The following WDR33 variants were observed in gnomAD, a reference collection of about 807,000 sequenced individuals.
WDR33 encodes the protein WD repeat domain 33.
WDR33 carries 47 observed loss-of-function variants against 164.9 expected under a neutral mutation model. The observed-to-expected ratio is 0.29, with a 90% confidence interval of 0.23 to 0.36. WDR33 has a LOEUF of 0.36. Among genes scored for constraint, WDR33 ranks in the 10% least tolerant of loss-of-function variants. The probability of loss-of-function intolerance (pLI) is 1.00; values close to 1 mark genes in which losing one functional copy is unlikely to be tolerated. For synonymous variants in WDR33, 505 were observed against 589.0 expected, an observed-to-expected ratio of 0.86 and a Z score of 2.06; for missense variants, 1,137 against 1,754.1, an observed-to-expected ratio of 0.65 and a Z score of 6.28.
intron 1 of WDR33, among the ~76,000 whole-genome samples, chr2:127,788,775 G>A (rs1268911910): frequency 6.7e-6 from 1 of 148,174 alleles, no homozygotes; most frequent in Non-Finnish European, 1.5e-5. Context: ...CTCCCAGATG[G>A]GGCGGCTGGC....
intron 7 of WDR33, among the ~76,000 whole-genome samples, chr2:127,754,762 T>C (rs1435658178): frequency 2.0e-5 from 3 of 152,078 alleles, no homozygotes; most frequent in Non-Finnish European, 4.4e-5. Context: ...ATTTCCATAA[T>C]GAAATCCAAA....
chr2:127,720,071 A>C lies in WDR33; in HGVS notation c.1954T>G (p.Phe652Val), dbSNP rs1321445184. Residue 652 changes from phenylalanine (F) to valine (V), a missense_variant, in exon 16 of 22, where the codon TTC becomes GTC. Phe to Val is a conservative substitution (Grantham distance 50, BLOSUM62 -1). Coordinates refer to ENST00000322313, the MANE Select transcript of WDR33 (RefSeq NM_018383.5). This position sits in a 1 kb window ranked among gnomAD's most constrained non-coding sequence, Gnocchi z 5.9. ...LHQGGGGPQG[F>V]MGPQGPQGPP... ...CCCTGGGGCCCCTGTGGTCCCATGA[A>C]TCCTTGTGGCCCCCCACCTCCCTGA... 6.2e-7 allele frequency: 1 copy of C among 1,614,058 alleles called. No homozygotes were observed. The highest frequency in any genetic ancestry group is 1.7e-5 in the Admixed American group (1 of 60,022).
chr2:127,737,459 A>C (rs1686879661), intron 7 of WDR33: 1 of 985,558 alleles, frequency 1.0e-6, no homozygotes. Context: ...CAATATATAC[A>C]GTCAAGAAAA....
chr2:127,737,450 A>C (rs972354762), intron 7 of WDR33: 32 of 985,592 alleles, frequency 3.2e-5, no homozygotes, highest in Non-Finnish European at 3.9e-5. Flanking sequence ...ATTCAGTAAC[A>C]ATATATACAG....
intron 7 of WDR33, chr2:127,736,308 A>T (rs1686839984): frequency 1.0e-6 from 1 of 985,290 alleles, no homozygotes; most frequent in Non-Finnish European, 1.2e-6. Flanking sequence ...GGGGAAGGGC[A>T]TGTAAAGGGG....
At chr2:127,729,495 C>CTT (rs774362916) in intron 7 of WDR33, among the ~76,000 whole-genome samples, 17 of 144,528 alleles carry the variant, frequency 1.2e-4, no homozygotes, top group African/African-American at 3.5e-4. Flanking sequence ...AGAGACTATT[C>CTT]TTTTTTTTTT....
At chr2:127,795,174 T>C (rs538127449) in intron 1 of WDR33, among the ~76,000 whole-genome samples, 9 of 149,984 alleles carry the variant, frequency 6.0e-5, no homozygotes, top group African/African-American at 2.0e-4. Context: ...GATCTCGGCT[T>C]ACTGCAACCT....
chr2:127,746,816 T>C (rs185132131), intron 7 of WDR33, among the ~76,000 whole-genome samples: 15 of 152,242 alleles, frequency 9.9e-5, no homozygotes, highest in African/African-American at 3.4e-4. Flanking sequence ...GTAATTACAC[T>C]ATATTCTTCT....
intron 1 of WDR33, among the ~76,000 whole-genome samples, chr2:127,777,789 T>C (rs905931755): frequency 6.6e-6 from 1 of 152,130 alleles, no homozygotes. Flanking sequence ...TTTTTTTCAT[T>C]TTTTGTAGAG....
intron 4 of WDR33, among the ~76,000 whole-genome samples, chr2:127,767,021 A>C (rs1687844446): frequency 1.3e-5 from 2 of 152,180 alleles, no homozygotes; most frequent in African/African-American, 4.8e-5. Context: ...AGCCTCTCAA[A>C]GTGCTGGGAT....
chr2:127,788,122 C>T (rs2105473214), intron 1 of WDR33, among the ~76,000 whole-genome samples: 1 of 90,674 alleles, frequency 1.1e-5, no homozygotes, highest in Non-Finnish European at 2.2e-5. Context: ...CTGAGGGGCT[C>T]CTCACTTCCC....
Position 127,768,964 on chromosome 2 carries a change from G to C in WDR33, c.242C>G (p.Ala81Gly). The part of the protein sequence containing the change: ...IWQRDQRDMR[A>G]IQPDAGYYND... The stretch of plus-strand genomic sequence containing the variant: ...GTAATAACCTGCATCAGGCTGAATT[G>C]CCCGCATATCTCTCTGGTCTCTTTG... The change falls in exon 3 of 22, where the codon GCA becomes GGA. Residue 81 changes from alanine to glycine, a missense_variant. Around this residue, in one of 9 missense-constraint regions of WDR33, gnomAD observed 55 missense variants for 84.6 expected, o/e 0.65. Coordinates refer to ENST00000322313, the MANE Select transcript of WDR33 (RefSeq NM_018383.5). 6.3e-7 allele frequency: 1 copy of C among 1,587,768 alleles called. No individual in the cohort carries two copies. The highest frequency in any genetic ancestry group is 8.6e-7 in the Non-Finnish European group (1 of 1,168,306).
intron 1 of WDR33, among the ~76,000 whole-genome samples, chr2:127,787,534 G>T (rs772288273): frequency 7.8e-6 from 1 of 127,404 alleles, no homozygotes; most frequent in Non-Finnish European, 1.7e-5. Context: ...GCCGGTCGGG[G>T]GGCTGACACC....
At chr2:127,762,674 C>G (rs551396361) in intron 7 of WDR33, 2 of 1,007,606 alleles carry the variant, frequency 2.0e-6, no homozygotes, top group Non-Finnish European at 2.4e-6. Context: ...TCTATCTTGT[C>G]GGTTAATTCA....
intron 1 of WDR33, among the ~76,000 whole-genome samples, chr2:127,806,315 C>G (rs1445221093): frequency 6.7e-6 from 1 of 150,012 alleles, no homozygotes. Context: ...TCAAGCGATT[C>G]TCATGCCTCA....
At chr2:127,808,155 T>C (rs1253368946) in intron 1 of WDR33, among the ~76,000 whole-genome samples, 1 of 152,128 alleles carries the variant, frequency 6.6e-6, no homozygotes, top group East Asian at 1.9e-4. Flanking sequence ...GAAAATGATG[T>C]CACCAATTAA....
chr2:127,803,704 TCTACC>T (rs1689332385), intron 1 of WDR33, among the ~76,000 whole-genome samples: 1 of 152,114 alleles, frequency 6.6e-6, no homozygotes, highest in Non-Finnish European at 1.5e-5. Flanking sequence ...AATAATATTT[TCTACC>T]AAAAGAACTG....
rs1019182679 is a variant in WDR33 at position 127,770,551 on chromosome 2, C to T, written c.204+227G>A. On this transcript the variant is annotated intron_variant, in intron 2 of 21. Transcript: ENST00000322313. The surrounding 1 kb of genome is among the most constrained non-coding windows in gnomAD (Gnocchi z 4.9). ...ACTAAAACTACAAAAATTAGCCGGG[C>T]ATGGTAGCAGGTGCCTATAATCCCA... Among the ~76,000 whole-genome samples, 1 of 152,018 alleles carries T rather than the reference C, an allele frequency of 6.6e-6. No individual in the cohort carries two copies. Among genetic ancestry groups the T allele is most frequent in the South Asian group, 2.1e-4 (1 of 4,828 alleles).
intron 17 of WDR33, among the ~76,000 whole-genome samples, chr2:127,715,565 A>G (rs922961805): frequency 7.2e-5 from 11 of 152,068 alleles, no homozygotes; most frequent in African/African-American, 2.4e-4. Flanking sequence ...GTTTGCAAAG[A>G]TCCTAGCTCC....
Sources: gnomAD v4.1 joint callset for allele counts (sites outside exome capture counted in the v4.1 genomes callset) on GRCh38, gnomAD v4.1.1 for gene constraint, gnomAD v4.1.1 regional missense constraint, Gnocchi (gnomAD v3.1) non-coding constraint, MANE v1.5 for transcripts, NCBI Gene and HGNC (gene_info 2026-07-23, HGNC 2026-07-21) for gene names.